DNAAF8: variants seen among roughly 807,000 people sequenced by gnomAD.
DNAAF8 encodes dynein axonemal-associated protein 1.
A neutral mutation model predicts 54.6 loss-of-function variants in DNAAF8; 61 were observed. The observed-to-expected ratio is 1.12, with a 90% confidence interval of 0.91 to 1.38. DNAAF8 has a LOEUF of 1.38. Among genes scored for constraint, DNAAF8 ranks in the 40% most tolerant of loss-of-function variants. The pLI is 0.00. For synonymous variants in DNAAF8, 320 were observed against 270.1 expected (o/e 1.18, Z -1.81); for missense variants, 837 against 665.0 (o/e 1.26, Z -2.85).
intron 9 of DNAAF8, 49 bp from the exon 10 acceptor site, chr16:4,748,676 G>A (rs546322657): frequency 6.6e-6 from 1 of 152,640 alleles, no homozygotes; most frequent in Admixed American, 6.5e-5. Flanking sequence ...TAACTGCTGT[G>A]ATCAGCCCTG....
At chr16:4,746,212 C>G in intron 6 of DNAAF8, 163 bp from the exon 7 acceptor site, 1 of 693,994 alleles carries the variant, frequency 1.4e-6, no homozygotes, top group Non-Finnish European at 2.3e-6. Flanking sequence ...ATCTCGCATG[C>G]TGTTCTGAAG....
At chr16:4,738,710 C>G (rs1246546880) in intron 3 of DNAAF8, among the ~76,000 whole-genome samples, 1 of 152,088 alleles carries the variant, frequency 6.6e-6, no homozygotes, top group Non-Finnish European at 1.5e-5. Context: ...TGGTGAAACC[C>G]TATCTCTACT....
intron 1 of DNAAF8, among the ~76,000 whole-genome samples, chr16:4,735,902 G>A (rs1337913735): frequency 2.0e-5 from 3 of 152,176 alleles, no homozygotes; most frequent in African/African-American, 4.8e-5. Flanking sequence ...GCTTCAGTGA[G>A]CTATCATTGT....
intron 6 of DNAAF8, 54 bp from the exon 7 acceptor site, chr16:4,746,319 GGT>G: frequency 6.5e-7 from 1 of 1,548,920 alleles, no homozygotes; most frequent in Non-Finnish European, 8.8e-7. Context: ...ACCCAGCGCA[GGT>G]CACAGAGTTA....
chr16:4,746,294 A>G, intron 6 of DNAAF8, 81 bp from the exon 7 acceptor site: 1 of 1,429,426 alleles, frequency 7.0e-7, no homozygotes. Context: ...AGCCACGAGC[A>G]CTGTGACTGG....
At chr16:4,745,246 A>G (rs2081999796) in intron 6 of DNAAF8, among the ~76,000 whole-genome samples, 1 of 152,198 alleles carries the variant, frequency 6.6e-6, no homozygotes, top group Non-Finnish European at 1.5e-5. Flanking sequence ...CAAGCCCTCA[A>G]GTACCTGCTC....
chr16:4,745,121 GT>G (rs1165103104), intron 6 of DNAAF8, 110 bp downstream of exon 6: 2 of 1,379,130 alleles, frequency 1.5e-6, no homozygotes, highest in Non-Finnish European at 2.0e-6. Context: ...CATTTTCTCA[GT>G]CACTCTCAAG....
chr16:4,739,473 A>G (rs17137222), intron 3 of DNAAF8, among the ~76,000 whole-genome samples: 6,603 of 151,224 alleles, frequency 0.044, 456 homozygotes, highest in African/African-American at 0.15. Context: ...ATTCCACTCT[A>G]GCCTTGTATT....
chr16:4,745,070 T>C, intron 6 of DNAAF8, 59 bp downstream of exon 6: 1 of 1,569,756 alleles, frequency 6.4e-7, no homozygotes, highest in Non-Finnish European at 8.7e-7. Context: ...CATGGTTTTG[T>C]AGCACTGACT....
Position 4,736,621 on chromosome 16 carries a change from C to G in DNAAF8, c.107C>G (p.Ser36Cys). 2 of 1,580,746 alleles carry G rather than the reference C, an allele frequency of 1.3e-6. No homozygotes were observed. Among genetic ancestry groups the G allele is most frequent in the Non-Finnish European group, 1.7e-6 (2 of 1,162,540 alleles). Residue 36 changes from serine to cysteine, a missense_variant, in exon 2 of 10, where the codon TCT becomes TGT. Ser to Cys is a moderately radical substitution (Grantham distance 112). Transcript: ENST00000299320. ...ILKAVKDQLP[S>C]LDSDSPLSDY... is the part of the protein sequence containing the mutation. The stretch of plus-strand genomic sequence containing the variant: ...AAGGCTGTCAAAGACCAGCTCCCGT[C>G]TCTGGACTCAGACTCCCCTTTGGTA...
In DNAAF8 at chr16:4,744,882, C is replaced by T. The variant is rs367853891; in HGVS notation, c.914C>T (p.Pro305Leu). The change falls in exon 6 of 10, where the codon CCG (proline) becomes CTG (leucine). Residue 305 changes from proline (P) to leucine (L), a missense_variant. By Grantham distance (98) the Pro-to-Leu change is moderately conservative. Transcript: ENST00000299320. ...DHRQVQDRMV[P>L]SAHNRLMEQL... is the part of the protein sequence containing the mutation. ...TGGCCATCCTCAGACCGCATGGTGCCGAGCGCCCACAACAGGCTCATGGAA... is the reference window on the plus strand; with the variant it reads ...TGGCCATCCTCAGACCGCATGGTGCTGAGCGCCCACAACAGGCTCATGGAA... 8.7e-6 allele frequency: 14 copies of T among 1,613,056 alleles called. No homozygotes were observed. The South Asian group carries it at 1.1e-4, about 13-fold the overall frequency.
At position 4,736,652 on chromosome 16, in the gene DNAAF8, G is replaced by A; in HGVS notation, c.129+9G>A. 1 of 1,552,010 alleles carries A rather than the reference G, an allele frequency of 6.4e-7. No homozygotes were observed. The highest frequency in any genetic ancestry group is 8.7e-7 in the Non-Finnish European group (1 of 1,146,734). On this transcript the variant is annotated intron_variant, in intron 2 of 9. Transcript: ENST00000299320. ...ACTCAGACTCCCCTTTGGTAAGCAA[G>A]AACTCTCTCCCTGGATGCCTTGTCC...
rs747322465 is a variant in DNAAF8 at position 4,743,118 on chromosome 16, C to A, written c.859C>A (p.Pro287Thr). The change falls in exon 5 of 10, where the codon CCT becomes ACT. Residue 287 changes from proline to threonine, a missense_variant. Pro to Thr is a conservative substitution (Grantham distance 38). Coordinates refer to ENST00000299320, the MANE Select transcript of DNAAF8 (RefSeq NM_139170.3). ...AGAAGACAACCAGGGAAATCGTGCACCTGGAACTGTGTGGTGGGCAGCTGA... is the reference window on the plus strand; with the variant it reads ...AGAAGACAACCAGGGAAATCGTGCAACTGGAACTGTGTGGTGGGCAGCTGA... Reference protein sequence around the residue: ...GQEDNQGNRAPGTVWWAADHR... With the variant: ...GQEDNQGNRATGTVWWAADHR... 1.9e-6 allele frequency: 3 copies of A among 1,612,126 alleles called. No individual in the cohort carries two copies. Among genetic ancestry groups the A allele is most frequent in the Admixed American group, 3.4e-5 (2 of 59,652 alleles).
chr16:4,740,543 A>C lies in DNAAF8; in HGVS notation c.667A>C (p.Thr223Pro). Residue 223 changes from threonine to proline, a missense_variant, in exon 4 of 10, where the codon ACC (threonine) becomes CCC (proline). Physicochemically the swap from Thr to Pro is conservative, Grantham distance 38 (BLOSUM62 -1). Coordinates refer to ENST00000299320, the MANE Select transcript of DNAAF8 (RefSeq NM_139170.3). ...QKVTRDACGP[T>P]SSDKGGVKEA... is the part of the protein sequence containing the mutation. ...AGTCACCCGGGATGCCTGCGGCCCG[A>C]CCAGCAGTGACAAAGGTGGGGTGAA... The C allele has an allele frequency of 1.2e-6, 2 of 1,614,004 alleles. No homozygotes were observed. Among genetic ancestry groups the C allele is most frequent in the Non-Finnish European group, 1.7e-6 (2 of 1,180,024 alleles).
chr16:4,735,969 C>G (rs1187253689), intron 1 of DNAAF8, among the ~76,000 whole-genome samples: 2 of 152,046 alleles, frequency 1.3e-5, no homozygotes, highest in Non-Finnish European at 2.9e-5. Context: ...AACAAAAAAG[C>G]AAGGTGTCTT....
At chr16:4,735,685 C>T (rs1010202936) in intron 1 of DNAAF8, among the ~76,000 whole-genome samples, 1 of 151,518 alleles carries the variant, frequency 6.6e-6, no homozygotes, top group African/African-American at 2.4e-5. Context: ...CAGCCAGGCG[C>T]GATGGCACAT....
Position 4,740,335 on chromosome 16 carries a change from C to A in DNAAF8, c.459C>A (p.Ser153Arg). The A allele has an allele frequency of 6.2e-7, 1 of 1,613,922 alleles. No individual in the cohort carries two copies. The highest frequency in any genetic ancestry group is 8.5e-7 in the Non-Finnish European group (1 of 1,179,950). ...PPRWLEGDLG[S>R]LSFNTKGSQG... ...GGTGGCTGGAAGGCGACCTTGGAAG[C>A]CTGTCTTTCAACACCAAAGGATCCC... The change falls in exon 4 of 10, where the codon AGC (serine) becomes AGA (arginine). Residue 153 changes from serine to arginine, a missense_variant. Coordinates refer to ENST00000299320, the MANE Select transcript of DNAAF8 (RefSeq NM_139170.3).
At chr16:4,736,185 G>C (rs2081896891) in intron 1 of DNAAF8, among the ~76,000 whole-genome samples, 1 of 151,748 alleles carries the variant, frequency 6.6e-6, no homozygotes, top group Non-Finnish European at 1.5e-5. Flanking sequence ...ATCTACATAG[G>C]TATATTTATA....
rs2081949118 is a variant in DNAAF8, at chr16:4,740,499, A to C, written c.623A>C (p.Glu208Ala). ...CGACAGGAGAGAAGGAAGATGATAG[A>C]GACGGACATCCTCCAGAAAGTCACC... is the stretch of plus-strand genomic sequence containing the variant. ...ALRQERRKMI[E>A]TDILQKVTRD... is the part of the protein sequence containing the mutation. Residue 208 changes from glutamate (E) to alanine (A), a missense_variant, in exon 4 of 10, where the codon GAG becomes GCG. Coordinates refer to ENST00000299320, the MANE Select transcript of DNAAF8 (RefSeq NM_139170.3). The C allele has an allele frequency of 4.3e-6, 7 of 1,614,126 alleles. No individual in the cohort carries two copies. In the East Asian group the frequency reaches 1.6e-4, roughly 36 times the overall value.
Sources: gnomAD v4.1 joint callset for allele counts (sites outside exome capture counted in the v4.1 genomes callset) on GRCh38, gnomAD v4.1.1 for gene constraint, MANE v1.5 for transcripts, NCBI Gene and HGNC (gene_info 2026-07-23, HGNC 2026-07-21) for gene names.